TSNAXIP1: variants seen among roughly 807,000 people sequenced by gnomAD.
The protein encoded by TSNAXIP1 is translin associated factor X interacting protein 1.
In TSNAXIP1, 89 loss-of-function variants were observed where a neutral mutation model predicts 84.8. The observed-to-expected ratio is 1.05, with a 90% CI of 0.88 to 1.25. The LOEUF is 1.25. Ranked by LOEUF, TSNAXIP1 falls within the 50% of genes most tolerant of loss-of-function variation. TSNAXIP1 has a pLI of 0.00. For synonymous variants in TSNAXIP1, 347 were observed against 335.2 expected (o/e 1.04, Z -0.39); for missense variants, 874 against 887.6 (o/e 0.98, Z 0.20).
At chr16:67,821,889 G>A (rs555641999) in intron 4 of TSNAXIP1, among the ~76,000 whole-genome samples, 1 of 152,228 alleles carries the variant, frequency 6.6e-6, no homozygotes, top group East Asian at 1.9e-4. Flanking sequence ...GGAGGCTGAG[G>A]CAGGAGAATT....
chr16:67,825,719 G>C lies in TSNAXIP1; in HGVS notation c.867G>C (p.Arg289=), dbSNP rs764996445. 11 of 1,614,040 alleles carry C rather than the reference G, an allele frequency of 6.8e-6. No individual in the cohort carries two copies. Among genetic ancestry groups the C allele is most frequent in the Non-Finnish European group, 7.6e-6 (9 of 1,180,040 alleles). The change falls in exon 8 of 16, where the codon CGG becomes CGC. Residue 289 remains arginine, a synonymous_variant. Coordinates refer to ENST00000561639, the MANE Select transcript of TSNAXIP1 (RefSeq NM_001288990.3). ...TAACCCTGGCTCTTAAGATGACCCG[G>C]CAAGACCTGACCCGCACGCAGATGG... The part of the protein sequence containing the change: ...VKLTLALKMT[R]QDLTRTQMEL...
Position 67,827,244 on chromosome 16 carries a change from T to C in TSNAXIP1, c.1665-5T>C, listed in dbSNP as rs1262218555. 1.2e-6 allele frequency: 2 copies of C among 1,614,116 alleles called. No individual in the cohort carries two copies. On this transcript the variant is annotated splice_region_variant and splice_polypyrimidine_tract_variant and intron_variant, in intron 13 of 15. Coordinates refer to ENST00000561639, the MANE Select transcript of TSNAXIP1 (RefSeq NM_001288990.3). ...TCCCTGTTGGCCCTCATGTCTCCCC[T>C]ACAGCACTGTCCTCAAGAGTACCTT... is the stretch of plus-strand genomic sequence containing the variant.
At chr16:67,823,845 T>C (rs1233459656) in intron 5 of TSNAXIP1, 126 bp downstream of exon 5, 5 of 697,724 alleles carry the variant, frequency 7.2e-6, no homozygotes, top group Non-Finnish European at 1.2e-5. Context: ...GGTGAAACCC[T>C]GTCTCTAGTA....
intron 4 of TSNAXIP1, 42 bp downstream of exon 4, chr16:67,821,267 T>TATGGGG: frequency 1.2e-6 from 1 of 829,430 alleles, no homozygotes; most frequent in Non-Finnish European, 1.9e-6. Flanking sequence ...GGGGGAAGGG[T>TATGGGG]GGGAAGAAGC....
chr16:67,814,154 T>C lies in TSNAXIP1; in HGVS notation c.48-148T>C. 6 of 631,894 alleles carry C rather than the reference T, an allele frequency of 9.5e-6. No homozygotes were observed. The South Asian group carries it at 9.6e-5, about 10-fold the overall frequency. The allele number at this position is 631,894 out of a possible 1,614,324, so 39.1% of individuals were successfully genotyped here. On this transcript the variant is annotated intron_variant, in intron 1 of 15. Coordinates refer to ENST00000561639, the MANE Select transcript of TSNAXIP1 (RefSeq NM_001288990.3). Reference sequence around the variant, plus strand: ...ATGGTTTGGACCCAAGGCCAGGGACTTGCTTGGCAGTGTCTCTGGGAATCC... The same window carrying C: ...ATGGTTTGGACCCAAGGCCAGGGACCTGCTTGGCAGTGTCTCTGGGAATCC...
In TSNAXIP1 at chr16:67,806,960, C is replaced by T. The variant is rs1347967291; in HGVS notation, c.-190C>T. On this transcript the variant is annotated 5_prime_UTR_variant, in exon 1 of 16. Transcript: ENST00000561639. ...GGTTGACTCTCAGGGCACCCGCTGC[C>T]GGGTCCCAGTCCACCTTTGCTACTT... 5.6e-6 allele frequency: 5 copies of T among 885,028 alleles called. No homozygotes were observed. Among genetic ancestry groups the T allele is most frequent in the Non-Finnish European group, 8.4e-6 (5 of 598,376 alleles). 54.8% of individuals were successfully genotyped at this position (885,028 alleles called of 1,614,324 possible). A position where few individuals can be genotyped will look rare whatever the true frequency, so the allele number is the denominator to read the frequency against.
chr16:67,827,226 T>G (rs2057528007), intron 13 of TSNAXIP1, 23 bp from the exon 14 acceptor site: 3 of 1,613,878 alleles, frequency 1.9e-6, no homozygotes, highest in South Asian at 1.1e-5. Flanking sequence ...AGGTCCCTGT[T>G]GGCCCTCATG....
intron 1 of TSNAXIP1, among the ~76,000 whole-genome samples, chr16:67,813,386 C>A (rs531425214): frequency 4.8e-4 from 72 of 151,496 alleles, no homozygotes; most frequent in Admixed American, 1.8e-3. Context: ...GACTGCATCT[C>A]AAAATAAATA....
chr16:67,818,172 G>A (rs1299256430), intron 2 of TSNAXIP1, among the ~76,000 whole-genome samples: 1 of 152,156 alleles, frequency 6.6e-6, no homozygotes, highest in African/African-American at 2.4e-5. Flanking sequence ...TTGTGCCACT[G>A]CACCCCAGCC....
At chr16:67,811,554 G>A (rs2056087526) in intron 1 of TSNAXIP1, among the ~76,000 whole-genome samples, 2 of 144,984 alleles carry the variant, frequency 1.4e-5, no homozygotes, top group African/African-American at 2.6e-5. Context: ...AGATTCTCCT[G>A]CCTCAGCCTC....
intron 2 of TSNAXIP1, 98 bp downstream of exon 2, chr16:67,814,499 C>A (rs927805584): frequency 7.1e-6 from 7 of 988,976 alleles, no homozygotes; most frequent in Non-Finnish European, 9.1e-6. Context: ...CTGAAACATG[C>A]CCACCTGAAA....
chr16:67,816,001 C>G (rs910257106), intron 2 of TSNAXIP1, among the ~76,000 whole-genome samples: 2 of 132,720 alleles, frequency 1.5e-5, no homozygotes, highest in African/African-American at 3.4e-5. Context: ...GACGGAATCT[C>G]GCTGTCGCCC....
At chr16:67,815,459 C>A (rs1161829628) in intron 2 of TSNAXIP1, among the ~76,000 whole-genome samples, 1 of 151,964 alleles carries the variant, frequency 6.6e-6, no homozygotes, top group African/African-American at 2.4e-5. Flanking sequence ...CCTCACCCTC[C>A]CAAGTAGCTG....
intron 13 of TSNAXIP1, 40 bp downstream of exon 13, chr16:67,827,112 C>T (rs1567781629): frequency 1.2e-6 from 2 of 1,609,398 alleles, no homozygotes; most frequent in Non-Finnish European, 1.7e-6. Flanking sequence ...TCCTACCCAA[C>T]TATTCCTGCA....
chr16:67,825,569 C>T lies in TSNAXIP1; in HGVS notation c.815-98C>T. 1.1e-5 allele frequency: 16 copies of T among 1,478,424 alleles called. No homozygotes were observed. In the South Asian group the frequency reaches 2.0e-4, roughly 18 times the overall value. 91.6% of individuals were successfully genotyped at this position (1,478,424 alleles called of 1,614,324 possible). ...AACCCTAGGCTGGTAGTGCTGTGGGCAAGAACCAGGGAACCCCAAACAGGA... is the reference window on the plus strand; with the variant it reads ...AACCCTAGGCTGGTAGTGCTGTGGGTAAGAACCAGGGAACCCCAAACAGGA... On this transcript the variant is annotated intron_variant, in intron 7 of 15. Coordinates refer to ENST00000561639, the MANE Select transcript of TSNAXIP1 (RefSeq NM_001288990.3).
chr16:67,820,791 G>A (rs775245738), intron 2 of TSNAXIP1, 48 bp from the exon 3 acceptor site: 1 of 1,355,614 alleles, frequency 7.4e-7, no homozygotes, highest in Non-Finnish European at 1.0e-6. Flanking sequence ...GAAACATTAG[G>A]AAGGGGAGCA....
chr16:67,826,604 A>G (rs775402727), intron 11 of TSNAXIP1, 42 bp downstream of exon 11: 7 of 1,613,432 alleles, frequency 4.3e-6, no homozygotes, highest in Non-Finnish European at 5.1e-6. Context: ...TGGTCTTCAG[A>G]TCCAGAGTCC....
At chr16:67,809,069 C>A (rs943268800) in intron 1 of TSNAXIP1, among the ~76,000 whole-genome samples, 3 of 145,816 alleles carry the variant, frequency 2.1e-5, no homozygotes, top group Admixed American at 7.0e-5. Flanking sequence ...ACTCAGGAGG[C>A]TGAGGCAGGA....
rs1567774765 is a variant in TSNAXIP1 at position 67,826,009 on chromosome 16, A to G, written c.1077A>G (p.Gln359=). The G allele has an allele frequency of 6.2e-7, 1 of 1,614,032 alleles. No homozygotes were observed. Among genetic ancestry groups the G allele is most frequent in the Non-Finnish European group, 8.5e-7 (1 of 1,180,022 alleles). ...TGAGCACGCTGAAGGAACGGGACCA[A>G]TTCTTCTCTGAGCTGCAGGAGATCC... ...LHMSTLKERD[Q]FFSELQEIQR... Residue 359 remains glutamine (Q), a synonymous_variant, in exon 9 of 16, where the codon CAA becomes CAG. Coordinates refer to ENST00000561639, the MANE Select transcript of TSNAXIP1 (RefSeq NM_001288990.3).
Sources: gnomAD v4.1 joint callset for allele counts (sites outside exome capture counted in the v4.1 genomes callset) on GRCh38, gnomAD v4.1.1 for gene constraint, MANE v1.5 for transcripts, NCBI Gene and HGNC (gene_info 2026-07-23, HGNC 2026-07-21) for gene names.